TRPC5: variants seen among roughly 807,000 people sequenced by gnomAD.
The protein encoded by TRPC5 is transient receptor potential cation channel subfamily C member 5.
A neutral mutation model predicts 56.5 loss-of-function variants in TRPC5; 9 were observed. The observed-to-expected ratio is 0.16, with a 90% CI of 0.10 to 0.28. The LOEUF (loss-of-function observed/expected upper bound fraction) is 0.28, where lower values mean the gene tolerates loss of function less well. TRPC5 is among the 10% of genes least tolerant of loss of function. The pLI is 1.00. For synonymous variants in TRPC5, 282 were observed against 278.5 expected (o/e 1.01, Z -0.13); for missense variants, 469 against 748.9 (o/e 0.63, Z 4.36).
chrX:111,876,967 A>C (rs1369757306), intron 3 of TRPC5, among the ~76,000 whole-genome samples: 2 of 111,782 alleles, frequency 1.8e-5, no homozygotes, highest in East Asian at 2.8e-4. Flanking sequence ...CCTGAGTTTA[A>C]TGCTGTTCTC....
chrX:111,777,649 T>A (rs1945889179), intron 10 of TRPC5, among the ~76,000 whole-genome samples: 1 of 112,107 alleles, frequency 8.9e-6, no homozygotes, highest in Admixed American at 9.5e-5. Context: ...TGTTGCTTTC[T>A]CCAGTTTCAT....
At chrX:111,962,788 G>C (rs1927420319) in intron 1 of TRPC5, among the ~76,000 whole-genome samples, 1 of 112,341 alleles carries the variant, frequency 8.9e-6, no homozygotes, top group Admixed American at 9.4e-5. Context: ...ATGAAAGGAA[G>C]AGTCAATCGA....
rs1158422740 is a variant in TRPC5 at position 111,807,954 on chromosome X, C to CTGTGTGTGTG, written c.1897-25817_1897-25816insCACACACACA. Among the ~76,000 whole-genome samples the CTGTGTGTGTG allele has an allele frequency of 2.3e-3, 197 of 85,372 alleles. 1 individual carries two copies. The highest frequency in any genetic ancestry group is 0.015 in the African/African-American group (192 of 12,998). 74.1% of individuals were successfully genotyped at this position (85,372 alleles called of 115,157 possible). A position where few individuals can be genotyped will look rare whatever the true frequency, so the allele number is the denominator to read the frequency against. ...ACAAATGGAGTCTCTCTCTCTCTCT[C>CTGTGTGTGTG]TCTGTGTGTGTGTGTGTGTGTGTGT... is the stretch of plus-strand genomic sequence containing the variant. On this transcript the variant is annotated intron_variant, in intron 7 of 10. Coordinates refer to ENST00000262839, the MANE Select transcript of TRPC5 (RefSeq NM_012471.3).
chrX:111,908,502 G>A (rs1304078849), intron 3 of TRPC5, among the ~76,000 whole-genome samples: 4 of 110,802 alleles, frequency 3.6e-5, no homozygotes, highest in Non-Finnish European at 7.6e-5. Flanking sequence ...TTTGAGTTTC[G>A]GTGGCTCTTT....
intron 7 of TRPC5, among the ~76,000 whole-genome samples, chrX:111,796,910 T>C (rs1921116641): frequency 8.9e-6 from 1 of 112,277 alleles, no homozygotes; most frequent in Non-Finnish European, 1.9e-5. Context: ...TCAGCCTCTT[T>C]TTAGCCCTAA....
At chrX:111,877,176 C>T (rs1923988442) in intron 3 of TRPC5, among the ~76,000 whole-genome samples, 1 of 111,271 alleles carries the variant, frequency 9.0e-6, no homozygotes, top group African/African-American at 3.3e-5. Flanking sequence ...TAATAAAGAC[C>T]TGAATTAGAG....
intron 7 of TRPC5, among the ~76,000 whole-genome samples, chrX:111,786,499 T>G (rs1034614642): frequency 1.3e-4 from 15 of 111,504 alleles, no homozygotes; most frequent in Admixed American, 2.9e-4. Context: ...ATGAAGAAAC[T>G]GCATCAATTA....
At chrX:112,064,493 C>G (rs766668726) in intron 1 of TRPC5, among the ~76,000 whole-genome samples, 98 of 111,925 alleles carry the variant, frequency 8.8e-4, no homozygotes, top group African/African-American at 3.0e-3. Flanking sequence ...AGAGCTGCTA[C>G]CAATTGTGCC....
chrX:112,050,580 A>G (rs2147733414), intron 1 of TRPC5, among the ~76,000 whole-genome samples: 1 of 111,792 alleles, frequency 8.9e-6, no homozygotes, highest in South Asian at 3.8e-4. Flanking sequence ...CATTAATATT[A>G]ACATGTAGTT....
chrX:111,816,108 A>T (rs1186233772), intron 7 of TRPC5, among the ~76,000 whole-genome samples: 1 of 111,806 alleles, frequency 8.9e-6, no homozygotes, highest in Non-Finnish European at 1.9e-5. Flanking sequence ...GTGGTTATTT[A>T]GGCTTGGCAC....
intron 7 of TRPC5, among the ~76,000 whole-genome samples, chrX:111,818,716 C>T (rs1603042340): frequency 9.3e-6 from 1 of 107,454 alleles, no homozygotes; most frequent in African/African-American, 3.4e-5. Context: ...CGATTCTCCT[C>T]CCTCAGCCTC....
intron 1 of TRPC5, among the ~76,000 whole-genome samples, chrX:111,992,033 A>T (rs150892269): frequency 8.9e-6 from 1 of 112,577 alleles, no homozygotes; most frequent in Non-Finnish European, 1.9e-5. Context: ...AGGGTTCAGC[A>T]CTGAGAATCA....
chrX:112,049,438 C>T lies in TRPC5; in HGVS notation c.-22+32441G>A, dbSNP rs895655733. Among the ~76,000 whole-genome samples the T allele has an allele frequency of 3.4e-3, 351 of 104,597 alleles. 2 individuals are homozygous for T. Among genetic ancestry groups the T allele is most frequent in the African/African-American group, 0.011 (327 of 29,294 alleles). The allele number at this position is 104,597 out of a possible 115,157, so 90.8% of individuals were successfully genotyped here. The stretch of plus-strand genomic sequence containing the variant: ...ATACACACACGCATATATATACACA[C>T]ACACACACACACACACATATATATA... On this transcript the variant is annotated intron_variant, in intron 1 of 10. Coordinates refer to ENST00000262839, the MANE Select transcript of TRPC5 (RefSeq NM_012471.3).
At chrX:112,028,745 T>C (rs1037204105) in intron 1 of TRPC5, among the ~76,000 whole-genome samples, 4 of 112,304 alleles carry the variant, frequency 3.6e-5, no homozygotes, top group African/African-American at 1.3e-4. Flanking sequence ...TACATGTGCA[T>C]GTGTCTTTAT....
At chrX:111,902,836 A>T (rs1031673658) in intron 3 of TRPC5, 2 of 111,994 alleles carry the variant, frequency 1.8e-5, no homozygotes, top group African/African-American at 6.5e-5. Flanking sequence ...CCAGTGCAGG[A>T]CTGTTCTTGC....
intron 3 of TRPC5, among the ~76,000 whole-genome samples, chrX:111,864,948 C>T (rs1054657861): frequency 1.8e-5 from 2 of 111,450 alleles, no homozygotes; most frequent in African/African-American, 3.3e-5. Flanking sequence ...CCTTGCCCAA[C>T]GAATTCCCTT....
At position 111,776,937 on chromosome X, in the gene TRPC5, A is replaced by G. The variant is rs779484548; in HGVS notation, c.2298T>C (p.His766=). 1 of 1,185,100 alleles carries G rather than the reference A, an allele frequency of 8.4e-7. No individual in the cohort carries two copies. Among genetic ancestry groups the G allele is most frequent in the Non-Finnish European group, 1.1e-6 (1 of 882,591 alleles). The change falls in exon 11 of 11, where the codon CAT becomes CAC. Residue 766 remains histidine, a synonymous_variant. Coordinates refer to ENST00000262839, the MANE Select transcript of TRPC5 (RefSeq NM_012471.3). The stretch of plus-strand genomic sequence containing the variant: ...TGCTGCTAGTGGAAAAGCTCCTTGG[A>G]TGTTTTCTATTTCCCAAGAGGTCAA... ...EVLDLLGNRK[H]PRSFSTSSTE... is the part of the protein sequence containing the mutation.
At chrX:112,014,533 T>C (rs1929072399) in intron 1 of TRPC5, among the ~76,000 whole-genome samples, 1 of 112,332 alleles carries the variant, frequency 8.9e-6, no homozygotes, top group South Asian at 3.7e-4. Context: ...ACTAATCATC[T>C]CCTTATTCTA....
intron 2 of TRPC5, among the ~76,000 whole-genome samples, chrX:111,939,567 T>G (rs1926710372): frequency 8.9e-6 from 1 of 111,744 alleles, no homozygotes; most frequent in South Asian, 3.7e-4. Flanking sequence ...TATAGCTTTG[T>G]TCTCATTACT....
Sources: gnomAD v4.1 joint callset for allele counts (sites outside exome capture counted in the v4.1 genomes callset) on GRCh38, gnomAD v4.1.1 for gene constraint, MANE v1.5 for transcripts, NCBI Gene and HGNC (gene_info 2026-07-23, HGNC 2026-07-21) for gene names.